ZNF521: variants seen among roughly 807,000 people sequenced by gnomAD.
ZNF521 encodes the protein LYST-interacting protein 3.
ZNF521 carries 14 observed loss-of-function variants against 105.5 expected under a neutral mutation model. The ratio of observed to expected loss-of-function variants is 0.13; its 90% CI spans 0.09 to 0.21. The LOEUF is 0.21. Ranked by LOEUF, ZNF521 falls within the 10% of genes least tolerant of loss-of-function variation. The pLI is 1.00. For synonymous variants in ZNF521, 635 were observed against 606.0 expected, an observed-to-expected ratio of 1.05 and a Z score of -0.70; for missense variants, 1,233 against 1,629.7, an observed-to-expected ratio of 0.76 and a Z score of 4.19.
chr18:25,286,970 A>T (rs933412003), intron 3 of ZNF521, among the ~76,000 whole-genome samples: 1 of 152,226 alleles, frequency 6.6e-6, no homozygotes, highest in Non-Finnish European at 1.5e-5. Flanking sequence ...CATCTTTAGA[A>T]TATCAGTGAA....
intron 3 of ZNF521, among the ~76,000 whole-genome samples, chr18:25,237,820 G>C (rs193083080): frequency 6.6e-6 from 1 of 152,156 alleles, no homozygotes; most frequent in East Asian, 1.9e-4. Context: ...CATACCTCTG[G>C]GTCTGACTTT....
chr18:25,255,276 T>C (rs553675838), intron 3 of ZNF521, among the ~76,000 whole-genome samples: 19 of 152,230 alleles, frequency 1.2e-4, no homozygotes, highest in African/African-American at 4.3e-4. Flanking sequence ...TAACAGCTAC[T>C]TTCACTATTC....
At chr18:25,100,050 G>C (rs559640355) in intron 5 of ZNF521, among the ~76,000 whole-genome samples, 20 of 151,686 alleles carry the variant, frequency 1.3e-4, no homozygotes, top group African/African-American at 4.6e-4. Context: ...GCTGTGCTGA[G>C]TTTATGGCAA....
intron 4 of ZNF521, among the ~76,000 whole-genome samples, chr18:25,210,996 T>C (rs2036169121): frequency 6.6e-6 from 1 of 152,218 alleles, no homozygotes; most frequent in Admixed American, 6.5e-5. Context: ...TATCACAAAT[T>C]GAAGTACCAG....
At position 25,311,334 on chromosome 18, in the gene ZNF521, A is replaced by G. The variant is rs1438581905; in HGVS notation, c.220+10674T>C. ...TAAAAGGAAACAGATAAAGGTCACG[A>G]GCATCGTAAGTAGAGAACATGAAAA... is the stretch of plus-strand genomic sequence containing the variant. On this transcript the variant is annotated intron_variant, in intron 3 of 7. Coordinates refer to ENST00000361524, the MANE Select transcript of ZNF521 (RefSeq NM_015461.3). 2.0e-5 allele frequency among the ~76,000 whole-genome samples: 3 copies of G among 151,820 alleles called. No individual in the cohort carries two copies. In the East Asian group the frequency reaches 5.8e-4, roughly 29 times the overall value.
At chr18:25,270,615 G>C (rs1909585997) in intron 3 of ZNF521, among the ~76,000 whole-genome samples, 1 of 152,104 alleles carries the variant, frequency 6.6e-6, no homozygotes, top group African/African-American at 2.4e-5. Flanking sequence ...TGCAAGGCTG[G>C]TTCAATATAC....
intron 3 of ZNF521, among the ~76,000 whole-genome samples, chr18:25,248,346 C>T (rs902651766): frequency 4.6e-5 from 7 of 152,198 alleles, no homozygotes; most frequent in Non-Finnish European, 8.8e-5. Flanking sequence ...AAAATGACAA[C>T]AGAATATTGA....
chr18:25,351,994 T>G lies in ZNF521; in HGVS notation c.-2+11A>C, dbSNP rs1454206550. 2.3e-6 allele frequency: 1 copy of G among 443,660 alleles called. No individual in the cohort carries two copies. The highest frequency in any genetic ancestry group is 2.0e-5 in the African/African-American group (1 of 49,030). 27.5% of individuals were successfully genotyped at this position (443,660 alleles called of 1,614,324 possible). On this transcript the variant is annotated intron_variant, in intron 1 of 7. Coordinates refer to ENST00000361524, the MANE Select transcript of ZNF521 (RefSeq NM_015461.3). ...AAGGAGTGTGCTGTGTGCTCCCTCCTCATCACAAACCTGCAAGGTCTTGGA... is the reference window on the plus strand; with the variant it reads ...AAGGAGTGTGCTGTGTGCTCCCTCCGCATCACAAACCTGCAAGGTCTTGGA...
At chr18:25,188,863 C>T (rs2035771840) in intron 5 of ZNF521, among the ~76,000 whole-genome samples, 2 of 152,212 alleles carry the variant, frequency 1.3e-5, no homozygotes, top group Admixed American at 1.3e-4. Flanking sequence ...AGTAATAAGA[C>T]ACTGAATCTT....
At chr18:25,238,002 A>T (rs1205536806) in intron 3 of ZNF521, among the ~76,000 whole-genome samples, 1 of 152,226 alleles carries the variant, frequency 6.6e-6, no homozygotes, top group East Asian at 1.9e-4. Flanking sequence ...AGATGAACAA[A>T]TAGGTCAACG....
chr18:25,089,572 G>T lies in ZNF521; in HGVS notation c.3799C>A (p.Gln1267Lys). 2 of 1,612,808 alleles carry T rather than the reference G, an allele frequency of 1.2e-6. No homozygotes were observed. The highest frequency in any genetic ancestry group is 1.1e-5 in the South Asian group (1 of 91,054). The change falls in exon 7 of 8, where the codon CAA (glutamine) becomes AAA (lysine). Residue 1267 changes from glutamine to lysine, a missense_variant. By Grantham distance (53) the Gln-to-Lys change is moderately conservative (BLOSUM62 1). This residue lies in a region of ZNF521 where 76 missense variants were observed against 137.2 expected (regional missense o/e 0.55). Transcript: ENST00000361524. ...KCPVCFTVFV[Q>K]ANKLQQHIFS... ...ATATGCTGCTGCAACTTGTTTGCTT[G>T]AACAAATACTGAAATGATAAAAGAA...
chr18:25,214,373 T>C (rs2036244600), intron 4 of ZNF521, among the ~76,000 whole-genome samples: 1 of 152,166 alleles, frequency 6.6e-6, no homozygotes, highest in African/African-American at 2.4e-5. Context: ...TACTGATTCA[T>C]CTCACCAGAA....
intron 5 of ZNF521, among the ~76,000 whole-genome samples, chr18:25,122,715 A>T: frequency 6.6e-6 from 1 of 152,188 alleles, no homozygotes; most frequent in East Asian, 1.9e-4. Context: ...GAATGCAGGT[A>T]GCTTGTGAAT....
chr18:25,316,353 T>C (rs949332148), intron 3 of ZNF521, among the ~76,000 whole-genome samples: 1 of 114,140 alleles, frequency 8.8e-6, no homozygotes, highest in Admixed American at 9.6e-5. Flanking sequence ...AAGAAAAAAG[T>C]AATAAAACCA....
intron 2 of ZNF521, among the ~76,000 whole-genome samples, chr18:25,334,261 G>A (rs988741961): frequency 6.6e-6 from 1 of 152,160 alleles, no homozygotes; most frequent in Non-Finnish European, 1.5e-5. Context: ...AAAGGAGAGG[G>A]AACTCAGATC....
At chr18:25,207,135 T>A (rs376834781) in intron 4 of ZNF521, among the ~76,000 whole-genome samples, 1 of 152,154 alleles carries the variant, frequency 6.6e-6, no homozygotes, top group Non-Finnish European at 1.5e-5. Flanking sequence ...CAAGCTTATA[T>A]AGGGTATTGT....
chr18:25,082,591 T>C (rs1213033659), intron 7 of ZNF521: 1 of 442,836 alleles, frequency 2.3e-6, no homozygotes, highest in Non-Finnish European at 4.5e-6. Flanking sequence ...ATCCTAGCAC[T>C]TTGGGAGGCC....
At chr18:25,120,022 C>T (rs1242191810) in intron 5 of ZNF521, among the ~76,000 whole-genome samples, 1 of 151,810 alleles carries the variant, frequency 6.6e-6, no homozygotes, top group African/African-American at 2.4e-5. Flanking sequence ...ATTTAAAGGC[C>T]AATAAGAGAA....
intron 5 of ZNF521, among the ~76,000 whole-genome samples, chr18:25,103,929 T>C (rs1439203291): frequency 1.3e-5 from 2 of 152,130 alleles, no homozygotes; most frequent in African/African-American, 4.8e-5. Context: ...GAAGTAGATG[T>C]CTCTGGGTAT....
Sources: allele counts gnomAD v4.1 joint callset (sites outside exome capture counted in the v4.1 genomes callset), GRCh38; gene constraint gnomAD v4.1.1; regional missense constraint gnomAD v4.1.1; transcripts MANE v1.5; gene names NCBI Gene and HGNC (gene_info 2026-07-23, HGNC 2026-07-21).